STS: variants seen among roughly 807,000 people sequenced by gnomAD.
STS encodes the protein steroid sulfatase.
A neutral mutation model predicts 26.8 loss-of-function variants in STS; 7 were observed. The ratio of observed to expected loss-of-function variants is 0.26; its 90% CI spans 0.15 to 0.49. The LOEUF is 0.49. Ranked by LOEUF, STS falls within the 20% of genes least tolerant of loss-of-function variation. The pLI, the probability that STS is intolerant of heterozygous loss-of-function variation, is 0.98. For synonymous variants in STS, 199 were observed against 189.4 expected, an observed-to-expected ratio of 1.05 and a Z score of -0.42; for missense variants, 434 against 465.6, an observed-to-expected ratio of 0.93 and a Z score of 0.63.
intron 5 of STS, among the ~76,000 whole-genome samples, chrX:7,258,085 T>TA (rs1435478645): frequency 2.0e-4 from 19 of 95,269 alleles, no homozygotes; most frequent in African/African-American, 7.4e-4. Context: ...GCTAGATAGA[T>TA]AGAGAAATAG....
intron 9 of STS, among the ~76,000 whole-genome samples, chrX:7,331,598 A>G (rs868728429): frequency 2.4e-4 from 27 of 112,012 alleles, no homozygotes; most frequent in African/African-American, 8.4e-4. Flanking sequence ...AGAACACGAC[A>G]TTCTAAAAGC....
At chrX:7,261,109 A>C (rs2147091811) in intron 6 of STS, among the ~76,000 whole-genome samples, 1 of 111,977 alleles carries the variant, frequency 8.9e-6, no homozygotes, top group African/African-American at 3.2e-5. Flanking sequence ...ATTCAAAACA[A>C]GCAAATAAAA....
intron 1 of STS, among the ~76,000 whole-genome samples, chrX:7,167,323 C>A (rs1410320327): frequency 9.0e-6 from 1 of 111,677 alleles, no homozygotes; most frequent in Non-Finnish European, 1.9e-5. Flanking sequence ...TCCAGCAACT[C>A]TTCTGTCTCA....
intron 6 of STS, among the ~76,000 whole-genome samples, chrX:7,270,790 G>A (rs780076995): frequency 2.7e-5 from 3 of 111,894 alleles, no homozygotes; most frequent in East Asian, 5.6e-4. Context: ...GTCATGTTCC[G>A]TAGCCTTGAT....
chrX:7,252,316 G>A (rs1008745887), intron 2 of STS: 1 of 749,384 alleles, frequency 1.3e-6, no homozygotes, highest in Non-Finnish European at 1.6e-6. Flanking sequence ...CTGCTGGTGG[G>A]AAGACTAGAA....
chrX:7,245,685 A>C lies in STS; in HGVS notation c.-4-7511A>C, dbSNP rs186806117. On this transcript the variant is annotated intron_variant, in intron 2 of 10. Transcript: ENST00000674429. ...TGCAGCAGGGAAGATTAAACGCAAA[A>C]TAACTCAAACTGCACTTGCTTGTAT... Among the ~76,000 whole-genome samples the C allele has an allele frequency of 1.2e-4, 14 of 112,467 alleles. No individual in the cohort carries two copies. In the East Asian group the frequency reaches 3.9e-3, roughly 32 times the overall value.
intron 8 of STS, among the ~76,000 whole-genome samples, chrX:7,310,052 C>T (rs1368161106): frequency 8.9e-6 from 1 of 111,805 alleles, no homozygotes; most frequent in African/African-American, 3.3e-5. Context: ...CCTAATAAAA[C>T]CAATTTTCTA....
intron 6 of STS, among the ~76,000 whole-genome samples, chrX:7,270,458 G>T (rs1288680829): frequency 8.9e-6 from 1 of 111,937 alleles, no homozygotes; most frequent in East Asian, 2.8e-4. Flanking sequence ...ATTTATGTCT[G>T]TCTAGCCAAC....
intron 2 of STS, among the ~76,000 whole-genome samples, chrX:7,205,430 A>G (rs1383294517): frequency 1.8e-5 from 2 of 111,578 alleles, no homozygotes; most frequent in African/African-American, 6.5e-5. Flanking sequence ...CTTTCTCCCC[A>G]TACTGACTAG....
At chrX:7,335,877 A>G (rs1380350238) in intron 10 of STS, among the ~76,000 whole-genome samples, 1 of 111,468 alleles carries the variant, frequency 9.0e-6, no homozygotes, top group Non-Finnish European at 1.9e-5. Flanking sequence ...TCCTTTCCCC[A>G]TTTCTTGTTT....
chrX:7,153,590 C>T (rs1219263577), intron 1 of STS, among the ~76,000 whole-genome samples: 1 of 99,351 alleles, frequency 1.0e-5, no homozygotes, highest in Non-Finnish European at 2.1e-5. Flanking sequence ...CTCCCTCACT[C>T]TCTGCTTCCT....
chrX:7,305,082 C>T lies in STS; in HGVS notation c.980C>T (p.Ala327Val). The T allele has an allele frequency of 2.5e-6, 3 of 1,210,919 alleles. No individual in the cohort carries two copies. The highest frequency in any genetic ancestry group is 3.4e-6 in the Non-Finnish European group (3 of 894,861). Residue 327 changes from alanine (A) to valine (V), a missense_variant, in exon 8 of 11, where the codon GCT becomes GTT. Ala to Val is a moderately conservative substitution (Grantham distance 64, BLOSUM62 0). Around this residue, in one of 2 missense-constraint regions of STS, gnomAD observed 229 missense variants for 288.3 expected, o/e 0.79. Transcript: ENST00000674429. ...ILNLLDELRL[A>V]NDTLIYFTSD... ...AACCTTCTGGATGAGCTGAGATTGG[C>T]TAATGATACCCTCATCTACTTCACA...
chrX:7,304,980 G>A lies in STS; in HGVS notation c.944-66G>A. 3 of 1,176,863 alleles carry A rather than the reference G, an allele frequency of 2.5e-6. No individual in the cohort carries two copies. In the South Asian group the frequency reaches 5.4e-5, roughly 21 times the overall value. On this transcript the variant is annotated intron_variant, in intron 7 of 10. Coordinates refer to ENST00000674429, the MANE Select transcript of STS (RefSeq NM_001320752.2). The stretch of plus-strand genomic sequence containing the variant: ...TGAGAAATTAGCCACCCACTGAGTA[G>A]GGCAACCATCTCCATTTGCTTTATG...
chrX:7,163,056 CAAA>C (rs60006129), intron 1 of STS, among the ~76,000 whole-genome samples: 1 of 74,959 alleles, frequency 1.3e-5, no homozygotes, highest in African/African-American at 5.2e-5. Context: ...GACTCCGTCT[CAAA>C]AAAAAAAAAA....
chrX:7,276,746 G>A (rs1038670536), intron 7 of STS, among the ~76,000 whole-genome samples: 3 of 112,096 alleles, frequency 2.7e-5, no homozygotes, highest in Admixed American at 9.5e-5. Flanking sequence ...CGAGATCCTC[G>A]TGTTCTTCTT....
intron 3 of STS, 100 bp downstream of exon 3, chrX:7,253,436 C>T (rs1923244128): frequency 9.2e-6 from 10 of 1,089,494 alleles, no homozygotes; most frequent in South Asian, 5.6e-5. Context: ...CATGTAGAAA[C>T]GTTCAAAACC....
At chrX:7,279,317 G>A (rs1448967346) in intron 7 of STS, among the ~76,000 whole-genome samples, 10 of 40,106 alleles carry the variant, frequency 2.5e-4, no homozygotes, top group African/African-American at 7.3e-4. Context: ...ATATATGTGT[G>A]TGTGTGTGTG....
rs997563091 is a variant in STS, at chrX:7,259,715, T to C, written c.749T>C (p.Met250Thr). The change falls in exon 6 of 11, where the codon ATG becomes ACG. Residue 250 changes from methionine to threonine, a missense_variant. This residue lies in a region of STS where 229 missense variants were observed against 288.3 expected (regional missense o/e 0.79). Transcript: ENST00000674429. ...AACTACGAGATCATTCAGCAGCCCA[T>C]GTCCTATGACAATCTCACCCAGAGG... ...MRNYEIIQQPMSYDNLTQRLT... is the reference protein window; with the variant it reads ...MRNYEIIQQPTSYDNLTQRLT... 8.3e-7 allele frequency: 1 copy of C among 1,211,592 alleles called. No homozygotes were observed. Among genetic ancestry groups the C allele is most frequent in the Non-Finnish European group, 1.1e-6 (1 of 895,437 alleles).
intron 2 of STS, among the ~76,000 whole-genome samples, chrX:7,192,314 G>A (rs1238927504): frequency 5.4e-5 from 6 of 111,710 alleles, no homozygotes; most frequent in Non-Finnish European, 9.4e-5. Flanking sequence ...CTGTAATCGC[G>A]GCACTTTGGG....
Sources: gnomAD v4.1 joint callset for allele counts (sites outside exome capture counted in the v4.1 genomes callset) on GRCh38, gnomAD v4.1.1 for gene constraint, gnomAD v4.1.1 regional missense constraint, MANE v1.5 for transcripts, NCBI Gene and HGNC (gene_info 2026-07-23, HGNC 2026-07-21) for gene names.